The following SV2C variants were observed in gnomAD, a reference collection of about 807,000 sequenced individuals.
The protein encoded by SV2C is synaptic vesicle glycoprotein 2C.
Under a neutral mutation model 79.7 loss-of-function variants are expected in SV2C, and 49 were observed. The observed-to-expected ratio is 0.61, with a 90% confidence interval of 0.49 to 0.78. The LOEUF (loss-of-function observed/expected upper bound fraction) is 0.78. Among genes scored for constraint, SV2C ranks in the 30% least tolerant of loss-of-function variants. The pLI is 0.00. For missense variants in SV2C, 833 were observed against 912.9 expected, an observed-to-expected ratio of 0.91 and a Z score of 1.13; for synonymous variants, 334 against 333.2, an observed-to-expected ratio of 1.00 and a Z score of -0.03.
the SV2C span, among the ~76,000 whole-genome samples, chr5:75,905,385 A>T: frequency 6.6e-6 from 1 of 152,238 alleles, no homozygotes; most frequent in African/African-American, 2.4e-5. Context: ...GCATCTAGAA[A>T]GCAGTTTGAT....
At chr5:76,036,887 A>C in the SV2C span, among the ~76,000 whole-genome samples, 13 of 152,214 alleles carry the variant, frequency 8.5e-5, no homozygotes, top group South Asian at 2.1e-4. Flanking sequence ...TACACCAATC[A>C]GACGTAGATT....
chr5:76,298,848 C>T lies in SV2C; in HGVS notation c.1557C>T (p.Ser519=), dbSNP rs1281322983. Residue 519 remains serine, a synonymous_variant, in exon 10 of 13, where the codon TCC becomes TCT. Coordinates refer to ENST00000502798, the MANE Select transcript of SV2C (RefSeq NM_014979.4). The part of the protein sequence containing the change: ...SVTFKDSVFK[S]CTFEDVTSVN... ...CTTTCAAAGACTCTGTTTTTAAGTC[C>T]TGCACCTTTGAGGATGTAACTTCAG... 6.2e-6 allele frequency: 10 copies of T among 1,613,962 alleles called. No homozygotes were observed. Among genetic ancestry groups the T allele is most frequent in the Middle Eastern group, 3.3e-4 (2 of 6,058 alleles).
chr5:75,932,086 A>G, the SV2C span, among the ~76,000 whole-genome samples: 1 of 152,184 alleles, frequency 6.6e-6, no homozygotes, highest in Non-Finnish European at 1.5e-5. Context: ...ATCTCAGACC[A>G]TGGCTATGGT....
At chr5:75,880,780 A>G in the SV2C span, among the ~76,000 whole-genome samples, 3 of 152,200 alleles carry the variant, frequency 2.0e-5, no homozygotes. Flanking sequence ...ATATTCAGGT[A>G]TCTTTATATC....
the SV2C span, among the ~76,000 whole-genome samples, chr5:76,004,797 G>A: frequency 2.6e-5 from 4 of 152,278 alleles, no homozygotes; most frequent in South Asian, 2.1e-4. Context: ...GTTTAGAAAA[G>A]CAAGCAAATT....
At chr5:76,020,055 T>C in the SV2C span, among the ~76,000 whole-genome samples, 4 of 152,104 alleles carry the variant, frequency 2.6e-5, no homozygotes, top group Admixed American at 2.6e-4. Context: ...GGGAATTATA[T>C]TGTCAAAAAA....
chr5:76,325,573 G>C lies in SV2C; in HGVS notation c.*26G>C. 6.2e-7 allele frequency: 1 copy of C among 1,611,348 alleles called. No homozygotes were observed. The highest frequency in any genetic ancestry group is 2.2e-5 in the East Asian group (1 of 44,842). Reference sequence around the variant, plus strand: ...TGGGAAAAAAAGCCATCCTTCCTGCGTTTCTTCCTCCTGCCCTGGGTCAAT... The same window carrying C: ...TGGGAAAAAAAGCCATCCTTCCTGCCTTTCTTCCTCCTGCCCTGGGTCAAT... On this transcript the variant is annotated 3_prime_UTR_variant, in exon 13 of 13. Coordinates refer to ENST00000502798, the MANE Select transcript of SV2C (RefSeq NM_014979.4).
At chr5:76,063,825 T>A in the SV2C span, among the ~76,000 whole-genome samples, 1 of 152,176 alleles carries the variant, frequency 6.6e-6, no homozygotes, top group African/African-American at 2.4e-5. Flanking sequence ...ACTTGCATTT[T>A]ATTCCTAAAG....
intron 12 of SV2C, among the ~76,000 whole-genome samples, chr5:76,341,472 C>T (rs150398716): frequency 9.9e-4 from 150 of 152,258 alleles, no homozygotes; most frequent in African/African-American, 3.3e-3. Context: ...ATGGAGGTGC[C>T]GGGGCTTAAG....
At chr5:76,164,721 A>AGTGTGTGTGTGTGTGTGTGT (rs10651569) in intron 2 of SV2C, among the ~76,000 whole-genome samples, 5,324 of 141,706 alleles carry the variant, frequency 0.038, 160 homozygotes, top group East Asian at 0.1. Context: ...GATGGAACTC[A>AGTGTGTGTGTGTGTGTGTGT]GTGTGTGTGT....
the SV2C span, among the ~76,000 whole-genome samples, chr5:75,983,347 A>G: frequency 6.6e-6 from 1 of 152,104 alleles, no homozygotes; most frequent in Non-Finnish European, 1.5e-5. Flanking sequence ...GCACCAAATG[A>G]TTCAATTGAG....
the SV2C span, among the ~76,000 whole-genome samples, chr5:76,054,009 G>T: frequency 2.0e-5 from 3 of 151,906 alleles, no homozygotes; most frequent in Non-Finnish European, 4.4e-5. Context: ...TAGGTTCCAG[G>T]ATGCATGTTC....
Position 76,174,080 on chromosome 5 carries a change from G to A in SV2C, c.581-20839G>A, listed in dbSNP as rs185998275. 1.7e-4 allele frequency: 269 copies of A among 1,575,018 alleles called. No homozygotes were observed. The African/African-American group carries it at 2.6e-3, about 15-fold the overall frequency. On this transcript the variant is annotated intron_variant, in intron 2 of 12. Coordinates refer to ENST00000502798, the MANE Select transcript of SV2C (RefSeq NM_014979.4). ...TTGCTCTCTATAAGAATCTTCTATC[G>A]TAGGATCGTATTTTTCTACAAAAAT...
At chr5:75,936,385 CTT>C in the SV2C span, among the ~76,000 whole-genome samples, 6 of 152,148 alleles carry the variant, frequency 3.9e-5, no homozygotes, top group African/African-American at 1.4e-4. Flanking sequence ...TGGAGAAAGA[CTT>C]TGATTGTGTC....
At chr5:75,900,034 T>G in the SV2C span, among the ~76,000 whole-genome samples, 1 of 152,234 alleles carries the variant, frequency 6.6e-6, no homozygotes, top group Non-Finnish European at 1.5e-5. Flanking sequence ...TGCCAGTCTG[T>G]CTTTTAATTG....
intron 4 of SV2C, among the ~76,000 whole-genome samples, chr5:76,265,361 C>T (rs1421422476): frequency 6.6e-6 from 1 of 152,206 alleles, no homozygotes; most frequent in Non-Finnish European, 1.5e-5. Flanking sequence ...GTGAGAATTT[C>T]AAGCCAGTGG....
chr5:75,960,948 A>G, the SV2C span, among the ~76,000 whole-genome samples: 3 of 151,972 alleles, frequency 2.0e-5, no homozygotes, highest in African/African-American at 7.2e-5. Context: ...TGGGCTGTTC[A>G]AGTGAATTTA....
At chr5:75,865,936 A>C in the SV2C span, among the ~76,000 whole-genome samples, 1 of 152,156 alleles carries the variant, frequency 6.6e-6, no homozygotes, top group Non-Finnish European at 1.5e-5. Flanking sequence ...GAGCCTGCAC[A>C]TGTGCCCTGC....
intron 3 of SV2C, among the ~76,000 whole-genome samples, chr5:76,202,015 CAAAAAAAAAAAAAA>C (rs373279209): frequency 1.2e-5 from 1 of 82,154 alleles, no homozygotes; most frequent in Non-Finnish European, 2.3e-5. Flanking sequence ...GACTCCATCT[CAAAAAAAAAAAAAA>C]AAAAAAAGAA....
Sources: allele counts gnomAD v4.1 joint callset (sites outside exome capture counted in the v4.1 genomes callset), GRCh38; gene constraint gnomAD v4.1.1; transcripts MANE v1.5; gene names NCBI Gene and HGNC (gene_info 2026-07-23, HGNC 2026-07-21).